Variants in NLRP4 observed in about 807,000 individuals in gnomAD.
NLRP4 encodes NLR family pyrin domain containing 4, also known as NACHT, LRR and PYD domains-containing protein 4.
A neutral mutation model predicts 84.7 loss-of-function variants in NLRP4; 44 were observed. That is an observed-to-expected ratio of 0.52 (90% CI 0.41 to 0.67). NLRP4 has a LOEUF of 0.67. Ranked by LOEUF, NLRP4 falls within the 30% of genes least tolerant of loss-of-function variation. NLRP4 has a pLI of 0.00. For missense variants in NLRP4, 1,260 were observed against 1,219.4 expected (o/e 1.03, Z -0.50); for synonymous variants, 544 against 476.4 (o/e 1.14, Z -1.85).
intron 5 of NLRP4, among the ~76,000 whole-genome samples, chr19:55,865,032 T>C (rs1984901113): frequency 6.6e-6 from 1 of 152,204 alleles, no homozygotes; most frequent in Admixed American, 6.5e-5. Context: ...ACAGGTTTAT[T>C]ATAAAAGTAA....
At chr19:55,850,024 G>GATTTCCGTAGCTGCGGTGGA (rs1983993250) in intron 1 of NLRP4, among the ~76,000 whole-genome samples, 1 of 110,594 alleles carries the variant, frequency 9.0e-6, no homozygotes, top group African/African-American at 3.4e-5. Flanking sequence ...ACTGCGGTGT[G>GATTTCCGTAGCTGCGGTGGA]ATTTCCGAGA....
At chr19:55,850,219 G>T (rs974678248) in intron 1 of NLRP4, among the ~76,000 whole-genome samples, 2 of 145,712 alleles carry the variant, frequency 1.4e-5, no homozygotes, top group Admixed American at 6.8e-5. Flanking sequence ...CCGTGGCTGC[G>T]GTGTAATTTC....
rs181086357 is a variant in NLRP4, at chr19:55,854,233, A to G, written c.280+1873A>G. ...GTGATCTGCACACCTCAGCCTCTCT[A>G]AGTATTGGGATTACAGGCATGAGCC... is the stretch of plus-strand genomic sequence containing the variant. On this transcript the variant is annotated intron_variant, in intron 2 of 9. Coordinates refer to ENST00000301295, the MANE Select transcript of NLRP4 (RefSeq NM_134444.5). Among the ~76,000 whole-genome samples, 6 of 152,244 alleles carry G rather than the reference A, an allele frequency of 3.9e-5. No individual in the cohort carries two copies. In the East Asian group the frequency reaches 1.2e-3, roughly 29 times the overall value.
rs555660001 is a variant in NLRP4 at position 55,872,217 on chromosome 19, G to A, written c.2525+1220G>A. 1.1e-4 allele frequency among the ~76,000 whole-genome samples: 17 copies of A among 152,060 alleles called. 1 individual carries two copies. The South Asian group carries it at 2.9e-3, about 26-fold the overall frequency. On this transcript the variant is annotated intron_variant, in intron 7 of 9. Coordinates refer to ENST00000301295, the MANE Select transcript of NLRP4 (RefSeq NM_134444.5). ...AAGGCTATCCAAAACTCCTTAAGACGTATTAAAAAAACACAACATAACCTT... is the reference window on the plus strand; with the variant it reads ...AAGGCTATCCAAAACTCCTTAAGACATATTAAAAAAACACAACATAACCTT...
Position 55,877,143 on chromosome 19 carries a change from G to C in NLRP4, c.2673G>C (p.Thr891=). The stretch of plus-strand genomic sequence containing the variant: ...TGTTGTGTCGGGCTCTGACGCATAC[G>C]GATTGCCGCTTAGAGATTCTTGGGT... The part of the protein sequence containing the change: ...VQLLCRALTH[T]DCRLEILGLE... The change falls in exon 8 of 10, where the codon ACG becomes ACC. Residue 891 remains threonine (T), a synonymous_variant. Coordinates refer to ENST00000301295, the MANE Select transcript of NLRP4 (RefSeq NM_134444.5). The C allele has an allele frequency of 1.2e-6, 2 of 1,613,830 alleles. No homozygotes were observed. Among genetic ancestry groups the C allele is most frequent in the Non-Finnish European group, 1.7e-6 (2 of 1,179,788 alleles).
In NLRP4 at chr19:55,877,152, CT is replaced by C. The variant is rs1278499627; in HGVS notation, c.2684del (p.Leu895Ter). 1.5e-5 allele frequency: 24 copies of C among 1,613,664 alleles called. No individual in the cohort carries two copies. The highest frequency in any genetic ancestry group is 1.9e-5 in the Non-Finnish European group (23 of 1,179,690). ...GGGCTCTGACGCATACGGATTGCCG[CT>C]TAGAGATTCTTGGGTGGGTATCGCC... The part of the protein sequence containing the change: ...CRALTHTDCR[L>X]EILGLEECGL... On this transcript the variant is annotated frameshift_variant, in exon 8 of 10. Transcript: ENST00000301295. LOFTEE classifies it high-confidence loss of function.
intron 1 of NLRP4, among the ~76,000 whole-genome samples, chr19:55,842,469 C>G (rs933666273): frequency 1.3e-5 from 2 of 151,826 alleles, no homozygotes; most frequent in Non-Finnish European, 2.9e-5. Context: ...AATTTCTTAT[C>G]AAATTTTTAC....
chr19:55,850,176 T>C (rs200766017), intron 1 of NLRP4, among the ~76,000 whole-genome samples: 23 of 139,908 alleles, frequency 1.6e-4, no homozygotes, highest in Middle Eastern at 7.8e-3. Context: ...TTTCCGTGGC[T>C]GCGGTGTAAT....
In NLRP4 at chr19:55,871,016, C is replaced by G. The variant is rs779014342; in HGVS notation, c.2525+19C>G. 1.2e-6 allele frequency: 2 copies of G among 1,610,670 alleles called. No individual in the cohort carries two copies. Among genetic ancestry groups the G allele is most frequent in the Admixed American group, 1.7e-5 (1 of 59,918 alleles). On this transcript the variant is annotated intron_variant, in intron 7 of 9. Coordinates refer to ENST00000301295, the MANE Select transcript of NLRP4 (RefSeq NM_134444.5). The stretch of plus-strand genomic sequence containing the variant: ...CACTGTGGTAGGCTTTTTGCTGTTT[C>G]TTTGAAGACCAAGCCGTCTTTTCAA...
chr19:55,868,100 G>A (rs1272760378), intron 6 of NLRP4, among the ~76,000 whole-genome samples: 1 of 152,226 alleles, frequency 6.6e-6, no homozygotes, highest in East Asian at 1.9e-4. Context: ...TCCTGTCTTA[G>A]AGGTCTTATG....
intron 1 of NLRP4, among the ~76,000 whole-genome samples, chr19:55,842,260 A>G (rs768623040): frequency 6.6e-6 from 1 of 152,176 alleles, no homozygotes; most frequent in Non-Finnish European, 1.5e-5. Flanking sequence ...CCTCTGTACC[A>G]TTGAGGCAAT....
At chr19:55,861,161 A>G (rs1432994933) in intron 3 of NLRP4, among the ~76,000 whole-genome samples, 3 of 152,060 alleles carry the variant, frequency 2.0e-5, no homozygotes, top group African/African-American at 4.8e-5. Flanking sequence ...CTAACATCCA[A>G]AAAGGCCTCT....
At chr19:55,863,325 T>C (rs1403425663) in intron 5 of NLRP4, among the ~76,000 whole-genome samples, 1 of 152,172 alleles carries the variant, frequency 6.6e-6, no homozygotes, top group African/African-American at 2.4e-5. Flanking sequence ...TACCTGAGAC[T>C]GGGAATTTAT....
intron 6 of NLRP4, 22 bp from the exon 7 acceptor site, chr19:55,870,805 T>C (rs1458553063): frequency 3.1e-6 from 5 of 1,598,050 alleles, no homozygotes; most frequent in South Asian, 1.1e-5. Flanking sequence ...TCACTCTCCT[T>C]CTCGTGTTTT....
intron 2 of NLRP4, among the ~76,000 whole-genome samples, chr19:55,853,333 G>A (rs1382675092): frequency 6.6e-6 from 1 of 152,052 alleles, no homozygotes; most frequent in Non-Finnish European, 1.5e-5. Context: ...CTCAATTTTA[G>A]CCATTGTCTG....
At chr19:55,857,619 A>G in intron 2 of NLRP4, 55 bp from the exon 3 acceptor site, 2 of 1,541,236 alleles carry the variant, frequency 1.3e-6, no homozygotes, top group Admixed American at 1.7e-5. Context: ...AAAAGAATAT[A>G]TGCAGGAATG....
At position 55,858,303 on chromosome 19, in the gene NLRP4, G is replaced by C. The variant is rs377060653; in HGVS notation, c.910G>C (p.Glu304Gln). 3 of 1,614,148 alleles carry C rather than the reference G, an allele frequency of 1.9e-6. No individual in the cohort carries two copies. The highest frequency in any genetic ancestry group is 1.1e-5 in the South Asian group (1 of 91,082). ...SEIYQPRGFN[E>Q]SDRLVYFCCF... The stretch of plus-strand genomic sequence containing the variant: ...AATCTACCAGCCCCGGGGATTCAAC[G>C]AGAGTGATAGGTTAGTGTATTTCTG... The change falls in exon 3 of 10, where the codon GAG becomes CAG. Residue 304 changes from glutamate to glutamine, a missense_variant. By Grantham distance (29) the Glu-to-Gln change is conservative (BLOSUM62 2). Coordinates refer to ENST00000301295, the MANE Select transcript of NLRP4 (RefSeq NM_134444.5). This position sits in a 1 kb window ranked among gnomAD's most constrained non-coding sequence, Gnocchi z 4.2.
Position 55,881,505 on chromosome 19 carries a change from C to A in NLRP4, c.2903C>A (p.Ala968Glu). The A allele has an allele frequency of 1.2e-6, 2 of 1,606,618 alleles. No individual in the cohort carries two copies. Among genetic ancestry groups the A allele is most frequent in the Non-Finnish European group, 1.7e-6 (2 of 1,173,394 alleles). Reference sequence around the variant, plus strand: ...ACTGATTTTGATGAGGAAACCCAGGCACTTCTGACGGCTGAGGAAGAGAGA... The same window carrying A: ...ACTGATTTTGATGAGGAAACCCAGGAACTTCTGACGGCTGAGGAAGAGAGA... ...RKTDFDEETQ[A>E]LLTAEEERNP... The change falls in exon 10 of 10, where the codon GCA (alanine) becomes GAA (glutamate). Residue 968 changes from alanine (A) to glutamate (E), a missense_variant. Around this residue, in one of 3 missense-constraint regions of NLRP4, gnomAD observed 544 missense variants for 531.7 expected, o/e 1.02. Coordinates refer to ENST00000301295, the MANE Select transcript of NLRP4 (RefSeq NM_134444.5).
chr19:55,868,267 G>A (rs754437327), intron 6 of NLRP4, among the ~76,000 whole-genome samples: 25 of 152,126 alleles, frequency 1.6e-4, no homozygotes, highest in Non-Finnish European at 3.4e-4. Context: ...CAGTAGCGGG[G>A]AAAAATGTCT....
Sources: allele counts gnomAD v4.1 joint callset (sites outside exome capture counted in the v4.1 genomes callset), GRCh38; gene constraint gnomAD v4.1.1; regional missense constraint gnomAD v4.1.1; non-coding constraint Gnocchi (gnomAD v3.1); transcripts MANE v1.5; gene names NCBI Gene and HGNC (gene_info 2026-07-23, HGNC 2026-07-21).